CSF2RA: variants seen among roughly 807,000 people sequenced by gnomAD.
The protein encoded by CSF2RA is colony stimulating factor 2 receptor subunit alpha.
A neutral mutation model predicts 51.6 loss-of-function variants in CSF2RA; 42 were observed. The ratio of observed to expected loss-of-function variants is 0.81; its 90% CI spans 0.64 to 1.05. The LOEUF is 1.05. CSF2RA is among the 50% of genes least tolerant of loss of function. CSF2RA has a pLI of 0.00. For missense variants in CSF2RA, 530 were observed against 501.1 expected, an observed-to-expected ratio of 1.06 and a Z score of -0.55; for synonymous variants, 222 against 193.0, an observed-to-expected ratio of 1.15 and a Z score of -1.24.
At chrX:1,309,138 A>C (rs1469857979) in intron 12 of CSF2RA, among the ~76,000 whole-genome samples, 1 of 152,064 alleles carries the variant, frequency 6.6e-6, no homozygotes, top group Non-Finnish European at 1.5e-5. Flanking sequence ...CGAAGGTCTA[A>C]AGGGGGAAGA....
chrX:1,301,569 A>G (rs1348736986), intron 10 of CSF2RA, among the ~76,000 whole-genome samples: 1 of 149,668 alleles, frequency 6.7e-6, no homozygotes, highest in Non-Finnish European at 1.5e-5. Flanking sequence ...TCCCTGGCCA[A>G]GGGGAAGCTC....
At chrX:1,294,553 G>A (rs1350091387) in intron 8 of CSF2RA, 92 bp downstream of exon 8, 1 of 1,547,054 alleles carries the variant, frequency 6.5e-7, no homozygotes, top group Non-Finnish European at 8.9e-7. Flanking sequence ...AAGTGGCCTG[G>A]GGGAAGGATG....
Position 1,288,632 on chromosome X carries a change from T to C in CSF2RA, c.333T>C (p.Tyr111=). 6.2e-7 allele frequency: 1 copy of C among 1,613,952 alleles called. No individual in the cohort carries two copies. The highest frequency in any genetic ancestry group is 8.5e-7 in the Non-Finnish European group (1 of 1,179,864). Residue 111 remains tyrosine, a synonymous_variant, in exon 5 of 13, where the codon TAT becomes TAC. Transcript: ENST00000381529. ...SQRGFQQKLL[Y]PNSGREGTAA... ...GAGGATTTCAACAGAAACTGCTTTATCCAAATTCAGGTAAGCAAGACAGCT... is the reference window on the plus strand; with the variant it reads ...GAGGATTTCAACAGAAACTGCTTTACCCAAATTCAGGTAAGCAAGACAGCT...
downstream of CSF2RA, among the ~76,000 whole-genome samples, chrX:1,312,704 C>T (rs2084240513): frequency 6.6e-6 from 1 of 152,080 alleles, no homozygotes; most frequent in African/African-American, 2.4e-5. Context: ...GGACTTGGAG[C>T]CGAGAGAGAG....
intron 2 of CSF2RA, among the ~76,000 whole-genome samples, chrX:1,279,587 C>A (rs756855712): frequency 6.6e-6 from 1 of 151,692 alleles, no homozygotes; most frequent in African/African-American, 2.4e-5. Flanking sequence ...CCTGCAAGAC[C>A]CAGAAGCAGG....
At chrX:1,315,470 C>G in the CSF2RA span, among the ~76,000 whole-genome samples, 3 of 152,090 alleles carry the variant, frequency 2.0e-5, no homozygotes, top group African/African-American at 7.2e-5. Flanking sequence ...GTGGCGCGAT[C>G]TCAGCTCACT....
rs28609812 is a variant in CSF2RA, at chrX:1,309,864, C to T, written c.*385C>T. On this transcript the variant is annotated 3_prime_UTR_variant, in exon 13 of 13. Coordinates refer to ENST00000381529, the MANE Select transcript of CSF2RA (RefSeq NM_172245.4). ...GATCGCACCATTGCACACCAACCTG[C>T]GTGACAGAGCAAGATTGCATCTCAA... is the stretch of plus-strand genomic sequence containing the variant. The T allele has an allele frequency of 5.1e-6, 3 of 591,420 alleles. No individual in the cohort carries two copies. Among genetic ancestry groups the T allele is most frequent in the Non-Finnish European group, 9.0e-6 (3 of 333,240 alleles). The allele number at this position is 591,420 out of a possible 1,614,324, so 36.6% of individuals were successfully genotyped here.
At chrX:1,319,818 G>A in the CSF2RA span, among the ~76,000 whole-genome samples, 5 of 148,492 alleles carry the variant, frequency 3.4e-5, 2 homozygotes, top group South Asian at 4.5e-4. Context: ...AGGTTCAAGC[G>A]ATTCTCCTAC....
the CSF2RA span, among the ~76,000 whole-genome samples, chrX:1,324,596 GAGAA>G: frequency 4.6e-5 from 7 of 151,422 alleles, no homozygotes; most frequent in Non-Finnish European, 1.0e-4. Flanking sequence ...AAGAGAAAGA[GAGAA>G]AGAAAAGCAA....
chrX:1,301,305 C>G (rs148154526), intron 10 of CSF2RA, among the ~76,000 whole-genome samples: 1,277 of 123,916 alleles, frequency 0.01, 22 homozygotes, highest in African/African-American at 0.037. Flanking sequence ...GCACTCCAGC[C>G]TGGGTGACAG....
chrX:1,292,793 C>CGAA (rs2091525596), intron 7 of CSF2RA, among the ~76,000 whole-genome samples: 4 of 152,098 alleles, frequency 2.6e-5, no homozygotes, highest in African/African-American at 7.2e-5. Context: ...AGACGGAGGG[C>CGAA]TTCCTCTTAT....
intron 1 of CSF2RA, among the ~76,000 whole-genome samples, chrX:1,269,574 G>A (rs1178062954): frequency 2.0e-5 from 3 of 150,902 alleles, no homozygotes; most frequent in Non-Finnish European, 4.4e-5. Flanking sequence ...AGTGAGCTGA[G>A]ATTGCACCAC....
At chrX:1,303,018 T>A in intron 10 of CSF2RA, 1 of 224,106 alleles carries the variant, frequency 4.5e-6, no homozygotes, top group Non-Finnish European at 8.3e-6. Flanking sequence ...ATTACAGACA[T>A]GCATCACGCT....
At chrX:1,320,889 G>A in the CSF2RA span, among the ~76,000 whole-genome samples, 1 of 150,960 alleles carries the variant, frequency 6.6e-6, no homozygotes, top group Non-Finnish European at 1.5e-5. Context: ...ACCCAAGTTC[G>A]AGTACAGTGG....
rs1167534588 is a variant in CSF2RA, at chrX:1,300,611, G to A, written c.931G>A (p.Glu311Lys). 9.3e-6 allele frequency: 15 copies of A among 1,613,916 alleles called. No homozygotes were observed. Among genetic ancestry groups the A allele is most frequent in the Non-Finnish European group, 1.1e-5 (13 of 1,179,864 alleles). Reference protein sequence around the residue: ...VRILNWSSWSEAIEFGSDDGN... With the variant: ...VRILNWSSWSKAIEFGSDDGN... ...CATCTTGAATTGGAGCTCCTGGAGTGAAGCCATTGAATTTGGTAAGCGTTG... is the reference window on the plus strand; with the variant it reads ...CATCTTGAATTGGAGCTCCTGGAGTAAAGCCATTGAATTTGGTAAGCGTTG... The change falls in exon 10 of 13, where the codon GAA (glutamate) becomes AAA (lysine). Residue 311 changes from glutamate to lysine, a missense_variant. Coordinates refer to ENST00000381529, the MANE Select transcript of CSF2RA (RefSeq NM_172245.4).
Position 1,273,674 on chromosome X carries a change from A to G in CSF2RA, c.-90-1081A>G, listed in dbSNP as rs759392554. Among the ~76,000 whole-genome samples, 35 of 150,446 alleles carry G rather than the reference A, an allele frequency of 2.3e-4. No homozygotes were observed. In the South Asian group the frequency reaches 6.7e-3, roughly 29 times the overall value. On this transcript the variant is annotated intron_variant, in intron 1 of 12. Transcript: ENST00000381529. ...TGGCTCACTGCAGCCTCTGCTTCCC[A>G]GGTTCAAGTGATTCTCCTGCCTCAG...
At chrX:1,280,369 G>A (rs766662334) in intron 2 of CSF2RA, among the ~76,000 whole-genome samples, 2 of 151,690 alleles carry the variant, frequency 1.3e-5, no homozygotes, top group African/African-American at 4.8e-5. Context: ...TACTTGGGAG[G>A]CCGAGGCAGG....
At chrX:1,316,833 G>C in the CSF2RA span, among the ~76,000 whole-genome samples, 5 of 152,266 alleles carry the variant, frequency 3.3e-5, no homozygotes, top group African/African-American at 9.6e-5. Context: ...CGACGCCCCA[G>C]ACACAGAGGC....
At chrX:1,276,991 C>T (rs1369523739) in intron 2 of CSF2RA, among the ~76,000 whole-genome samples, 4 of 151,684 alleles carry the variant, frequency 2.6e-5, no homozygotes, top group African/African-American at 7.3e-5. Context: ...CCCAGCTACT[C>T]GAGAGGCTGA....
Sources: gnomAD v4.1 joint callset for allele counts (sites outside exome capture counted in the v4.1 genomes callset) on GRCh38, gnomAD v4.1.1 for gene constraint, MANE v1.5 for transcripts, NCBI Gene and HGNC (gene_info 2026-07-23, HGNC 2026-07-21) for gene names.